The following NIPAL2 variants were observed in gnomAD, a reference collection of about 807,000 sequenced individuals.
NIPAL2 encodes the protein NIPA-like protein 2.
In NIPAL2, 43 loss-of-function variants were observed where a neutral mutation model predicts 48.9. The observed-to-expected ratio is 0.88, with a 90% CI of 0.69 to 1.13. The LOEUF is 1.13. Ranked by LOEUF, NIPAL2 falls within the 50% of genes most tolerant of loss-of-function variation. The probability of loss-of-function intolerance (pLI) is 0.00; values close to 1 mark genes in which losing one functional copy is unlikely to be tolerated. For synonymous variants in NIPAL2, 167 were observed against 174.6 expected (o/e 0.96, Z 0.34); for missense variants, 446 against 461.4 (o/e 0.97, Z 0.31).
intron 1 of NIPAL2, among the ~76,000 whole-genome samples, chr8:98,259,739 G>A (rs1246344805): frequency 6.6e-6 from 1 of 152,182 alleles, no homozygotes; most frequent in Non-Finnish European, 1.5e-5. Context: ...ATGACAGATG[G>A]GGACACACAC....
In NIPAL2 at chr8:98,216,441, T is replaced by C. The variant is rs78555437; in HGVS notation, c.559-3940A>G. 3.0e-3 allele frequency among the ~76,000 whole-genome samples: 452 copies of C among 152,334 alleles called. 1 individual carries two copies. Among genetic ancestry groups the C allele is most frequent in the African/African-American group, 0.01 (435 of 41,576 alleles). ...CTGCTACCGAAGAAGTGGACCCTTG[T>C]GTGGACACACAAGTGCTATTTGCAT... On this transcript the variant is annotated intron_variant, in intron 5 of 10. Coordinates refer to ENST00000430223, the MANE Select transcript of NIPAL2 (RefSeq NM_001321635.2).
chr8:98,279,550 A>T (rs1434346864), intron 1 of NIPAL2, among the ~76,000 whole-genome samples: 1 of 152,188 alleles, frequency 6.6e-6, no homozygotes, highest in African/African-American at 2.4e-5. Context: ...GTCAGGGAAG[A>T]GAACAGAGCC....
At chr8:98,235,893 A>T (rs1045119113) in intron 4 of NIPAL2, among the ~76,000 whole-genome samples, 1 of 151,376 alleles carries the variant, frequency 6.6e-6, no homozygotes, top group African/African-American at 2.4e-5. Flanking sequence ...AAATTATTTT[A>T]TAATAATTCA....
rs894531059 is a variant in NIPAL2, at chr8:98,222,795, C to T, written c.437-195G>A. Among the ~76,000 whole-genome samples the T allele has an allele frequency of 7.2e-5, 11 of 152,120 alleles. No homozygotes were observed. The highest frequency in any genetic ancestry group is 5.9e-4 in the Admixed American group (9 of 15,278). On this transcript the variant is annotated intron_variant, in intron 4 of 10. Coordinates refer to ENST00000430223, the MANE Select transcript of NIPAL2 (RefSeq NM_001321635.2). ...CATTCCCTTTACAGGGGAATAGAGC[C>T]GGGGGATGGATGGGGCAGGACATAA...
intron 5 of NIPAL2, among the ~76,000 whole-genome samples, chr8:98,219,004 G>C (rs981031896): frequency 2.0e-5 from 3 of 152,186 alleles, no homozygotes; most frequent in African/African-American, 7.2e-5. Flanking sequence ...ATGGGAATGT[G>C]AAAAGGGGGT....
chr8:98,224,251 C>T (rs1378187976), intron 4 of NIPAL2, among the ~76,000 whole-genome samples: 1 of 152,140 alleles, frequency 6.6e-6, no homozygotes. Flanking sequence ...CACTAGTTTT[C>T]CTCCTCAAAG....
intron 8 of NIPAL2, among the ~76,000 whole-genome samples, chr8:98,196,496 C>G (rs1810557452): frequency 6.6e-6 from 1 of 152,240 alleles, no homozygotes. Context: ...CATGGCGACT[C>G]AAGTGCCAAA....
At chr8:98,238,193 T>C (rs781589046) in intron 3 of NIPAL2, among the ~76,000 whole-genome samples, 9 of 152,112 alleles carry the variant, frequency 5.9e-5, no homozygotes, top group Non-Finnish European at 1.2e-4. Context: ...AAATCCAAAA[T>C]TGCAATAATA....
At position 98,203,156 on chromosome 8, in the gene NIPAL2, C is replaced by A; in HGVS notation, c.832G>T (p.Val278Leu). ...AAGAAAATATGATTAACTGGCACCA[C>A]TGTTGTCGTATTGTAGAGTTTCGTG... ...QATKLYNTTT[V>L]VPVNHIFFTI... The change falls in exon 8 of 11, where the codon GTG (valine) becomes TTG (leucine). Residue 278 changes from valine (V) to leucine (L), a missense_variant. Transcript: ENST00000430223. 1 of 1,614,162 alleles carries A rather than the reference C, an allele frequency of 6.2e-7. No individual in the cohort carries two copies. Among genetic ancestry groups the A allele is most frequent in the Non-Finnish European group, 8.5e-7 (1 of 1,179,988 alleles).
intron 1 of NIPAL2, among the ~76,000 whole-genome samples, chr8:98,268,920 A>T (rs1026039012): frequency 1.3e-5 from 2 of 152,238 alleles, no homozygotes; most frequent in Non-Finnish European, 2.9e-5. Flanking sequence ...GCTAATTATC[A>T]TCTGAACCTA....
At chr8:98,236,782 G>A (rs569361532) in intron 3 of NIPAL2, among the ~76,000 whole-genome samples, 9 of 144,660 alleles carry the variant, frequency 6.2e-5, no homozygotes, top group South Asian at 4.5e-4. Flanking sequence ...AGCCTGGGAG[G>A]TTGAGGCTGC....
chr8:98,237,151 C>T (rs1281120165), intron 3 of NIPAL2, among the ~76,000 whole-genome samples: 1 of 151,952 alleles, frequency 6.6e-6, no homozygotes, highest in Non-Finnish European at 1.5e-5. Flanking sequence ...ACATTGGACT[C>T]CTAGGCTCAA....
intron 1 of NIPAL2, among the ~76,000 whole-genome samples, chr8:98,259,714 C>G (rs1814174481): frequency 6.6e-6 from 1 of 152,210 alleles, no homozygotes; most frequent in African/African-American, 2.4e-5. Context: ...CAAGCCCAGG[C>G]TAGCCTGCTG....
chr8:98,228,774 G>T (rs1812299722), intron 4 of NIPAL2, among the ~76,000 whole-genome samples: 2 of 152,300 alleles, frequency 1.3e-5, no homozygotes, highest in Admixed American at 1.3e-4. Flanking sequence ...GATGATCAGG[G>T]ACCATCACTG....
chr8:98,251,303 A>G (rs2130827116), intron 3 of NIPAL2, among the ~76,000 whole-genome samples: 1 of 152,310 alleles, frequency 6.6e-6, no homozygotes, highest in South Asian at 2.1e-4. Flanking sequence ...AGTTCATCAT[A>G]TAACTAGATC....
At chr8:98,239,537 CA>C (rs1178052435) in intron 3 of NIPAL2, among the ~76,000 whole-genome samples, 2 of 152,174 alleles carry the variant, frequency 1.3e-5, no homozygotes, top group African/African-American at 4.8e-5. Context: ...CTACTTGTAT[CA>C]AATTATATCA....
intron 1 of NIPAL2, among the ~76,000 whole-genome samples, chr8:98,255,026 G>A (rs1271535749): frequency 6.6e-6 from 1 of 152,130 alleles, no homozygotes; most frequent in Non-Finnish European, 1.5e-5. Context: ...AATTCTCTGA[G>A]GGAAAAGAAC....
intron 4 of NIPAL2, among the ~76,000 whole-genome samples, chr8:98,229,435 C>A (rs1467250755): frequency 6.6e-6 from 1 of 152,190 alleles, no homozygotes; most frequent in Non-Finnish European, 1.5e-5. Flanking sequence ...TACAGTGATG[C>A]AATCATAGCT....
At chr8:98,236,124 C>T (rs748017104) in intron 4 of NIPAL2, 31 bp downstream of exon 4, 19 of 1,426,036 alleles carry the variant, frequency 1.3e-5, no homozygotes, top group South Asian at 2.4e-5. Context: ...TCAAGCAATG[C>T]TACAATTACA....
Sources: allele counts gnomAD v4.1 joint callset (sites outside exome capture counted in the v4.1 genomes callset), GRCh38; gene constraint gnomAD v4.1.1; transcripts MANE v1.5; gene names NCBI Gene and HGNC (gene_info 2026-07-23, HGNC 2026-07-21).